Variants in PIWIL1 observed in about 807,000 individuals in gnomAD.
PIWIL1 encodes the protein piwi like RNA-mediated gene silencing 1, also known as piwi-like protein 1.
PIWIL1 carries 73 observed loss-of-function variants against 114.4 expected under a neutral mutation model. That is an observed-to-expected ratio of 0.64 (90% CI 0.53 to 0.78). The LOEUF is 0.78. Ranked by LOEUF, PIWIL1 falls within the 30% of genes least tolerant of loss-of-function variation. The pLI is 0.00. For missense variants in PIWIL1, 723 were observed against 1,063.1 expected (o/e 0.68, Z 4.45); for synonymous variants, 375 against 369.0 (o/e 1.02, Z -0.19).
the PIWIL1 span, among the ~76,000 whole-genome samples, chr12:130,380,764 G>A: frequency 3.3e-5 from 5 of 152,320 alleles, no homozygotes; most frequent in East Asian, 9.7e-4. Context: ...ACAGAATCAT[G>A]TGTTGAGGAA....
chr12:130,346,811 C>A, intron 5 of PIWIL1, 130 bp from the exon 6 acceptor site: 2 of 1,179,424 alleles, frequency 1.7e-6, no homozygotes, highest in Non-Finnish European at 1.2e-6. Context: ...TTTCTCAGAG[C>A]CATTTAAAAA....
chr12:130,355,864 A>G (rs1245840306), intron 12 of PIWIL1, among the ~76,000 whole-genome samples, 197 bp downstream of exon 12: 2 of 152,096 alleles, frequency 1.3e-5, no homozygotes, highest in Non-Finnish European at 2.9e-5. Flanking sequence ...TGCCAGAATG[A>G]TCTTTTCCTC....
At chr12:130,398,279 G>C in the PIWIL1 span, 2 of 152,348 alleles carry the variant, frequency 1.3e-5, no homozygotes, top group African/African-American at 2.4e-5. Flanking sequence ...ATGTGCCTGA[G>C]TTGGCAGTGC....
At chr12:130,371,151 A>G in intron 19 of PIWIL1, 25 bp from the exon 20 acceptor site, 1 of 1,608,664 alleles carries the variant, frequency 6.2e-7, no homozygotes, top group Non-Finnish European at 8.5e-7. Context: ...TTTTCAGCAC[A>G]TCCGTGTGTT....
At chr12:130,358,594 A>G (rs2073428054) in intron 14 of PIWIL1, among the ~76,000 whole-genome samples, 1 of 151,956 alleles carries the variant, frequency 6.6e-6, no homozygotes, top group Non-Finnish European at 1.5e-5. Context: ...TGCTGCCGCC[A>G]CCAGTCAGCT....
rs951404079 is a variant in PIWIL1 at position 130,343,075 on chromosome 12, C to G, written c.164C>G (p.Thr55Arg). The G allele has an allele frequency of 1.2e-6, 2 of 1,613,640 alleles. No homozygotes were observed. The highest frequency in any genetic ancestry group is 8.5e-7 in the Non-Finnish European group (1 of 1,179,702). ...TTTGGCCGTGGACGGCAGAGAGGAA[C>G]AGCAGGAGGAACAGCCAAGTCACAA... The part of the protein sequence containing the change: ...ELFGRGRQRG[T>R]AGGTAKSQGL... Residue 55 changes from threonine to arginine, a missense_variant, in exon 3 of 21, where the codon ACA becomes AGA. Physicochemically the swap from Thr to Arg is moderately conservative, Grantham distance 71 (BLOSUM62 -1). Coordinates refer to ENST00000245255, the MANE Select transcript of PIWIL1 (RefSeq NM_004764.5).
At chr12:130,412,602 T>C in the PIWIL1 span, 2 of 1,610,262 alleles carry the variant, frequency 1.2e-6, no homozygotes, top group East Asian at 2.2e-5. Flanking sequence ...GAAGGTCGAA[T>C]AGGGGTTTGC....
chr12:130,424,546 A>T, the PIWIL1 span: 1 of 1,231,916 alleles, frequency 8.1e-7, no homozygotes. This position sits in a 1 kb window ranked among gnomAD's most constrained non-coding sequence, Gnocchi z 9.8. Flanking sequence ...GAGCGGCTGA[A>T]CCGACAGCCC....
At chr12:130,413,477 A>G in the PIWIL1 span, among the ~76,000 whole-genome samples, 2 of 151,904 alleles carry the variant, frequency 1.3e-5, no homozygotes, top group East Asian at 1.9e-4. Context: ...TAAAAATGCA[A>G]AAAAATTTAG....
downstream of PIWIL1, among the ~76,000 whole-genome samples, chr12:130,374,639 C>G (rs1234021401): frequency 1.3e-5 from 2 of 152,192 alleles, no homozygotes; most frequent in Non-Finnish European, 2.9e-5. Context: ...GAACTCTGCA[C>G]TGCGGAGTCC....
intron 9 of PIWIL1, among the ~76,000 whole-genome samples, chr12:130,352,609 G>C (rs920492465): frequency 6.6e-6 from 1 of 152,232 alleles, no homozygotes; most frequent in Non-Finnish European, 1.5e-5. Flanking sequence ...GAACTCGGGA[G>C]ACGGAGGTTG....
chr12:130,348,908 A>T (rs1348481038), intron 7 of PIWIL1, among the ~76,000 whole-genome samples: 1 of 152,078 alleles, frequency 6.6e-6, no homozygotes, highest in Non-Finnish European at 1.5e-5. Flanking sequence ...TAAATAAATA[A>T]AAAACAAAAT....
At chr12:130,367,475 G>GA (rs1565956588) in intron 19 of PIWIL1, among the ~76,000 whole-genome samples, 1 of 152,198 alleles carries the variant, frequency 6.6e-6, no homozygotes, top group African/African-American at 2.4e-5. Flanking sequence ...TTCATTGGGG[G>GA]AAAGAGGATT....
chr12:130,418,638 C>T, the PIWIL1 span, among the ~76,000 whole-genome samples: 1 of 152,154 alleles, frequency 6.6e-6, no homozygotes, highest in Non-Finnish European at 1.5e-5. Flanking sequence ...GTTTATGTGG[C>T]AAGTTTGTGG....
rs557549836 is a variant in PIWIL1 at position 130,359,066 on chromosome 12, C to CT, written c.1665+1514dup. Among the ~76,000 whole-genome samples the CT allele has an allele frequency of 4.5e-3, 682 of 152,346 alleles. 9 individuals are homozygous for CT. Among genetic ancestry groups the CT allele is most frequent in the African/African-American group, 0.015 (622 of 41,576 alleles). The stretch of plus-strand genomic sequence containing the variant: ...AAGCTTTCTAAGTTATATTTCTTCT[C>CT]TAACACTCCTCCCACCCCTGAAATT... On this transcript the variant is annotated intron_variant, in intron 14 of 20. Coordinates refer to ENST00000245255, the MANE Select transcript of PIWIL1 (RefSeq NM_004764.5).
intron 7 of PIWIL1, 77 bp downstream of exon 7, chr12:130,348,260 G>A: frequency 1.2e-6 from 1 of 807,992 alleles, no homozygotes; most frequent in Non-Finnish European, 2.0e-6. Flanking sequence ...ATTTGAAATG[G>A]TCAAATTTAC....
chr12:130,397,243 C>A, the PIWIL1 span: 15 of 393,734 alleles, frequency 3.8e-5, no homozygotes, highest in Non-Finnish European at 5.4e-5. Flanking sequence ...AAGTGCATTT[C>A]TCTACTGGTG....
the PIWIL1 span, among the ~76,000 whole-genome samples, chr12:130,408,502 C>T: frequency 1.9e-4 from 29 of 152,150 alleles, no homozygotes; most frequent in African/African-American, 6.3e-4. Context: ...TGCCACAGAT[C>T]GGGGCCTGGG....
downstream of PIWIL1, chr12:130,372,740 C>CTT (rs1018819144): frequency 2.0e-5 from 3 of 151,096 alleles, no homozygotes; most frequent in African/African-American, 7.3e-5. Context: ...GTATCCACAG[C>CTT]TTATAAGGAA....
Sources: gnomAD v4.1 joint callset for allele counts (sites outside exome capture counted in the v4.1 genomes callset) on GRCh38, gnomAD v4.1.1 for gene constraint, Gnocchi (gnomAD v3.1) non-coding constraint, MANE v1.5 for transcripts, NCBI Gene and HGNC (gene_info 2026-07-23, HGNC 2026-07-21) for gene names.